Variants in GAS2 observed in about 807,000 individuals in gnomAD.
GAS2 encodes growth arrest-specific protein 2.
Under a neutral mutation model 37.5 loss-of-function variants are expected in GAS2, and 20 were observed. The ratio of observed to expected loss-of-function variants is 0.53; its 90% CI spans 0.37 to 0.77. The LOEUF is 0.77. Ranked by LOEUF, GAS2 falls within the 30% of genes least tolerant of loss-of-function variation. The probability of loss-of-function intolerance (pLI) is 0.00; values close to 1 mark genes in which losing one functional copy is unlikely to be tolerated. For synonymous variants in GAS2, 144 were observed against 132.2 expected (o/e 1.09, Z -0.61); for missense variants, 336 against 373.4 (o/e 0.90, Z 0.82).
At chr11:22,651,895 A>C (rs573852856) in intron 1 of GAS2, among the ~76,000 whole-genome samples, 35 of 152,242 alleles carry the variant, frequency 2.3e-4, no homozygotes, top group African/African-American at 8.2e-4. Flanking sequence ...TAATTTGATC[A>C]TCTGAAGCCT....
chr11:22,725,418 G>GA (rs1329527548), intron 3 of GAS2, among the ~76,000 whole-genome samples: 1 of 151,942 alleles, frequency 6.6e-6, no homozygotes, highest in South Asian at 2.1e-4. Flanking sequence ...AAATAGTCTG[G>GA]AAAAAAGTCT....
At chr11:22,636,758 C>T (rs1046794216) in intron 1 of GAS2, among the ~76,000 whole-genome samples, 10 of 151,288 alleles carry the variant, frequency 6.6e-5, no homozygotes, top group Non-Finnish European at 1.3e-4. Flanking sequence ...CATAAGAGAA[C>T]GTTAGAGTGT....
intron 5 of GAS2, 106 bp downstream of exon 5, chr11:22,737,874 G>C: frequency 1.0e-6 from 1 of 976,918 alleles, no homozygotes; most frequent in South Asian, 1.3e-5. Context: ...TGGATGTTGA[G>C]AAGCTACTCA....
chr11:22,805,081 G>A (rs1468242437), intron 7 of GAS2, among the ~76,000 whole-genome samples: 1 of 151,838 alleles, frequency 6.6e-6, no homozygotes, highest in Non-Finnish European at 1.5e-5. Context: ...TGGAGATGGA[G>A]GTGAGTGTTC....
At chr11:22,735,339 C>T (rs1852698109) in intron 4 of GAS2, among the ~76,000 whole-genome samples, 1 of 145,964 alleles carries the variant, frequency 6.9e-6, no homozygotes, top group Non-Finnish European at 1.5e-5. Flanking sequence ...AATTTTATTG[C>T]TTTATAAAAA....
rs142924190 is a variant in GAS2 at position 22,722,492 on chromosome 11, A to G, written c.268-3800A>G. Among the ~76,000 whole-genome samples, 39 of 152,080 alleles carry G rather than the reference A, an allele frequency of 2.6e-4. 1 individual carries two copies. In the East Asian group the frequency reaches 7.3e-3, roughly 29 times the overall value. On this transcript the variant is annotated intron_variant, in intron 3 of 7. Coordinates refer to ENST00000454584, the MANE Select transcript of GAS2 (RefSeq NM_001143830.3). ...TATGGACACTGTTGTACAATATAGC[A>G]TGACTCTTGCTAGTGAGTGAGTGAG... is the stretch of plus-strand genomic sequence containing the variant.
chr11:22,663,789 G>A (rs1005299742), upstream of GAS2, among the ~76,000 whole-genome samples: 2 of 152,026 alleles, frequency 1.3e-5, no homozygotes, highest in Admixed American at 6.5e-5. Context: ...GTTTTTATTC[G>A]TAACACTATT....
chr11:22,730,593 A>C (rs919766504), intron 4 of GAS2, among the ~76,000 whole-genome samples: 6 of 151,812 alleles, frequency 4.0e-5, no homozygotes, highest in Non-Finnish European at 5.9e-5. Flanking sequence ...TGATATATTA[A>C]GATCAATAAC....
intron 3 of GAS2, among the ~76,000 whole-genome samples, chr11:22,700,945 T>G (rs753114412): frequency 3.2e-4 from 48 of 152,196 alleles, no homozygotes; most frequent in Non-Finnish European, 6.0e-4. Flanking sequence ...TTTTTTTCTT[T>G]TGCATCTTTT....
At chr11:22,806,527 G>T (rs1442476880) in intron 7 of GAS2, among the ~76,000 whole-genome samples, 2 of 152,090 alleles carry the variant, frequency 1.3e-5, no homozygotes, top group Non-Finnish European at 2.9e-5. Context: ...GAATCTTTAT[G>T]CTGTTTTCCA....
At chr11:22,789,425 G>GATATATATATATAT (rs35755438) in intron 7 of GAS2, among the ~76,000 whole-genome samples, 5 of 30,656 alleles carry the variant, frequency 1.6e-4, no homozygotes, top group African/African-American at 4.5e-4. Flanking sequence ...TCTCATATGA[G>GATATATATATATAT]ATATATATAT....
At chr11:22,763,647 A>G (rs1488691972) in intron 7 of GAS2, among the ~76,000 whole-genome samples, 1 of 151,640 alleles carries the variant, frequency 6.6e-6, no homozygotes, top group Non-Finnish European at 1.5e-5. Flanking sequence ...ACACACACAC[A>G]CACACACACA....
chr11:22,798,413 GA>G (rs1856524333), intron 7 of GAS2, among the ~76,000 whole-genome samples: 1 of 151,978 alleles, frequency 6.6e-6, no homozygotes, highest in Admixed American at 6.6e-5. Context: ...ACAGATTAAA[GA>G]AATTTATTCT....
At chr11:22,689,229 G>T (rs1590638949) in intron 3 of GAS2, among the ~76,000 whole-genome samples, 1 of 151,974 alleles carries the variant, frequency 6.6e-6, no homozygotes, top group South Asian at 2.1e-4. Flanking sequence ...ACCTCAACAA[G>T]GTGCAATTTA....
intron 1 of GAS2, among the ~76,000 whole-genome samples, chr11:22,670,461 C>A (rs1293378486): frequency 6.6e-6 from 1 of 152,116 alleles, no homozygotes; most frequent in East Asian, 1.9e-4. Flanking sequence ...ATCATTAATA[C>A]ATTTATTTGT....
At chr11:22,694,059 G>T (rs893078138) in intron 3 of GAS2, among the ~76,000 whole-genome samples, 1 of 152,016 alleles carries the variant, frequency 6.6e-6, no homozygotes, top group Non-Finnish European at 1.5e-5. Context: ...AATAACTAAT[G>T]GGTACTAGGC....
chr11:22,754,422 C>T (rs949541081), intron 6 of GAS2, among the ~76,000 whole-genome samples: 3 of 151,808 alleles, frequency 2.0e-5, no homozygotes, highest in Non-Finnish European at 4.4e-5. Flanking sequence ...TGCCAAAAGC[C>T]ATAGGTTTAT....
intron 7 of GAS2, among the ~76,000 whole-genome samples, chr11:22,772,721 C>A (rs1855046029): frequency 6.6e-6 from 1 of 152,112 alleles, no homozygotes; most frequent in Admixed American, 6.6e-5. Context: ...TCCGTCTTTT[C>A]CCAGAGATGA....
chr11:22,785,453 A>C (rs1471764399), intron 7 of GAS2, among the ~76,000 whole-genome samples: 2 of 152,148 alleles, frequency 1.3e-5, no homozygotes, highest in Admixed American at 6.6e-5. Context: ...GAAGTGCCAG[A>C]TGGTACTGAA....
Sources: gnomAD v4.1 joint callset for allele counts (sites outside exome capture counted in the v4.1 genomes callset) on GRCh38, gnomAD v4.1.1 for gene constraint, MANE v1.5 for transcripts, NCBI Gene and HGNC (gene_info 2026-07-23, HGNC 2026-07-21) for gene names.